Variants in CNGB3 observed in about 807,000 individuals in gnomAD.
CNGB3 encodes cyclic nucleotide-gated channel beta-3.
In CNGB3, 86 loss-of-function variants were observed where a neutral mutation model predicts 92.8. The ratio of observed to expected loss-of-function variants is 0.93; its 90% CI spans 0.78 to 1.11. The LOEUF is 1.11. Among genes scored for constraint, CNGB3 ranks in the 50% least tolerant of loss-of-function variants. The probability of loss-of-function intolerance (pLI) is 0.00; values close to 1 mark genes in which losing one functional copy is unlikely to be tolerated. For missense variants in CNGB3, 1,026 were observed against 956.8 expected (o/e 1.07, Z -0.95); for synonymous variants, 333 against 332.7 (o/e 1.00, Z -0.01).
intron 15 of CNGB3, among the ~76,000 whole-genome samples, chr8:86,580,396 C>T (rs920397198): frequency 1.3e-5 from 2 of 152,192 alleles, no homozygotes; most frequent in Non-Finnish European, 2.9e-5. Context: ...TTGAGTGTGT[C>T]TGTTTCCCAC....
chr8:86,736,922 C>A (rs1276234431), intron 2 of CNGB3, among the ~76,000 whole-genome samples: 1 of 152,132 alleles, frequency 6.6e-6, no homozygotes, highest in African/African-American at 2.4e-5. Context: ...CATAATCTAG[C>A]GGTTGAACAG....
chr8:86,660,587 T>C, intron 6 of CNGB3: 1 of 534,246 alleles, frequency 1.9e-6, no homozygotes, highest in Non-Finnish European at 3.8e-6. Flanking sequence ...ATTATATTGA[T>C]TCTTATTAGC....
chr8:86,665,539 C>G (rs1307027853), intron 6 of CNGB3, among the ~76,000 whole-genome samples: 3 of 151,710 alleles, frequency 2.0e-5, no homozygotes, highest in East Asian at 3.9e-4. Flanking sequence ...AACAGTGGGA[C>G]TGAATAAAGA....
rs148161471 is a variant in CNGB3 at position 86,619,965 on chromosome 8, C to G, written c.1578+6018G>C. ...TGAGCTCCTGGGCTCAGGCAATCCTCTTGCCTCAACCTCCCAAAGTGCTGG... is the reference window on the plus strand; with the variant it reads ...TGAGCTCCTGGGCTCAGGCAATCCTGTTGCCTCAACCTCCCAAAGTGCTGG... On this transcript the variant is annotated intron_variant, in intron 13 of 17. Transcript: ENST00000320005. Among the ~76,000 whole-genome samples, 92 of 152,186 alleles carry G rather than the reference C, an allele frequency of 6.0e-4. 1 individual carries two copies. The highest frequency in any genetic ancestry group is 2.0e-3 in the African/African-American group (82 of 41,528).
chr8:86,713,725 CT>C (rs760104412), intron 3 of CNGB3, among the ~76,000 whole-genome samples: 2 of 152,008 alleles, frequency 1.3e-5, no homozygotes, highest in African/African-American at 2.4e-5. Flanking sequence ...CTGTTTTAAT[CT>C]CATATTTTTC....
chr8:86,620,703 T>C (rs1252888855), intron 13 of CNGB3, among the ~76,000 whole-genome samples: 1 of 152,110 alleles, frequency 6.6e-6, no homozygotes, highest in Non-Finnish European at 1.5e-5. Context: ...TGGCTTTCAG[T>C]GAAGGGAGGA....
chr8:86,743,598 C>CT lies in CNGB3; in HGVS notation c.29dup (p.Val11GlyfsTer9), dbSNP rs1442286151. On this transcript the variant is annotated frameshift_variant, in exon 1 of 18. Coordinates refer to ENST00000320005, the MANE Select transcript of CNGB3 (RefSeq NM_019098.5). LOFTEE classifies it high-confidence loss of function. ...CATTGTTCTCTCCTATAGGCTTCAC[C>CT]TTGTTGACTTTTGTCAGCGATTTAA... The CT allele has an allele frequency of 8.7e-6, 14 of 1,613,852 alleles. No individual in the cohort carries two copies. The highest frequency in any genetic ancestry group is 1.0e-5 in the Non-Finnish European group (12 of 1,179,894).
chr8:86,667,994 A>G (rs745837065), intron 5 of CNGB3, 25 bp downstream of exon 5: 3 of 1,613,458 alleles, frequency 1.9e-6, no homozygotes, highest in South Asian at 1.1e-5. Context: ...CCCTCCCACT[A>G]TGATAATTCA....
chr8:86,633,382 C>T (rs1563734347), intron 10 of CNGB3, among the ~76,000 whole-genome samples: 1 of 152,176 alleles, frequency 6.6e-6, no homozygotes, highest in South Asian at 2.1e-4. Flanking sequence ...GCTTACCTCA[C>T]ATGTCTGATC....
At chr8:86,661,382 G>T (rs1394374852) in intron 6 of CNGB3, 13 of 426,164 alleles carry the variant, frequency 3.1e-5, no homozygotes, top group Non-Finnish European at 6.0e-5. Context: ...TCATGTAAGA[G>T]TTAATTCTCT....
chr8:86,619,432 G>GA, intron 13 of CNGB3, among the ~76,000 whole-genome samples: 1 of 152,154 alleles, frequency 6.6e-6, no homozygotes, highest in African/African-American at 2.4e-5. Context: ...TCATTTTTGT[G>GA]AAAAATTAAT....
At chr8:86,636,627 T>C (rs948959622) in intron 10 of CNGB3, among the ~76,000 whole-genome samples, 1 of 147,764 alleles carries the variant, frequency 6.8e-6, no homozygotes, top group Non-Finnish European at 1.5e-5. Context: ...TAAGACCATT[T>C]GGTGAATTTA....
chr8:86,712,725 A>C (rs1354430909), intron 3 of CNGB3, among the ~76,000 whole-genome samples: 1 of 147,288 alleles, frequency 6.8e-6, no homozygotes, highest in South Asian at 2.1e-4. Flanking sequence ...TATATCTATT[A>C]GTTTTATTTT....
At chr8:86,683,809 C>A (rs1323220495) in intron 3 of CNGB3, among the ~76,000 whole-genome samples, 1 of 152,156 alleles carries the variant, frequency 6.6e-6, no homozygotes, top group African/African-American at 2.4e-5. Context: ...GAACTTCAAC[C>A]TAAACCTACA....
intron 3 of CNGB3, among the ~76,000 whole-genome samples, chr8:86,690,846 T>C (rs1824297458): frequency 1.3e-5 from 2 of 152,164 alleles, no homozygotes; most frequent in South Asian, 4.1e-4. Flanking sequence ...TTTTGTCAGG[T>C]TTGTCAAAGA....
At chr8:86,660,622 TCTGA>T in intron 6 of CNGB3, 1 of 533,948 alleles carries the variant, frequency 1.9e-6, no homozygotes, top group Non-Finnish European at 3.8e-6. Context: ...TGGCTTTGCC[TCTGA>T]CTAAGATGGC....
At chr8:86,580,790 C>T (rs1053809981) in intron 15 of CNGB3, among the ~76,000 whole-genome samples, 1 of 152,160 alleles carries the variant, frequency 6.6e-6, no homozygotes, top group Non-Finnish European at 1.5e-5. Context: ...TTAAAAAAGA[C>T]ACCATAGGAT....
At chr8:86,587,734 A>C (rs1821929565) in intron 15 of CNGB3, among the ~76,000 whole-genome samples, 2 of 149,462 alleles carry the variant, frequency 1.3e-5, no homozygotes, top group Admixed American at 1.3e-4. Context: ...TGTTTTGGTT[A>C]CTGTAGCCTT....
rs118134789 is a variant in CNGB3, at chr8:86,661,577, T to C, written c.852+5348A>G. 2.5e-4 allele frequency: 185 copies of C among 750,326 alleles called. 1 individual carries two copies. The East Asian group carries it at 3.2e-3, about 13-fold the overall frequency. The allele number at this position is 750,326 out of a possible 1,614,324, so 46.5% of individuals were successfully genotyped here. Reference sequence around the variant, plus strand: ...TTTCTCTAATGTTGCCAAATTTTCTTTTTCAATTCCTTCATCCTCCAACTT... The same window carrying C: ...TTTCTCTAATGTTGCCAAATTTTCTCTTTCAATTCCTTCATCCTCCAACTT... On this transcript the variant is annotated intron_variant, in intron 6 of 17. Transcript: ENST00000320005.
Sources: allele counts gnomAD v4.1 joint callset (sites outside exome capture counted in the v4.1 genomes callset), GRCh38; gene constraint gnomAD v4.1.1; transcripts MANE v1.5; gene names NCBI Gene and HGNC (gene_info 2026-07-23, HGNC 2026-07-21).